Variants in PDE10A observed in about 807,000 individuals in gnomAD.
The protein encoded by PDE10A is phosphodiesterase 10A.
In PDE10A, 39 loss-of-function variants were observed where a neutral mutation model predicts 97.7. That is an observed-to-expected ratio of 0.40 (90% confidence interval 0.31 to 0.52). PDE10A has a LOEUF of 0.52. PDE10A is among the 20% of genes least tolerant of loss of function. PDE10A has a pLI of 0.56. For missense variants in PDE10A, 731 were observed against 1,047.8 expected, an observed-to-expected ratio of 0.70 and a Z score of 4.17; for synonymous variants, 371 against 376.8, an observed-to-expected ratio of 0.98 and a Z score of 0.18.
At chr6:165,651,879 T>C (rs1223634520) in intron 1 of PDE10A, among the ~76,000 whole-genome samples, 1 of 152,194 alleles carries the variant, frequency 6.6e-6, no homozygotes, top group African/African-American at 2.4e-5. Flanking sequence ...CCTAGTATCC[T>C]CAAATCATGT....
At chr6:165,961,106 G>C (rs568671662) in intron 1 of PDE10A, among the ~76,000 whole-genome samples, 1 of 151,952 alleles carries the variant, frequency 6.6e-6, no homozygotes, top group South Asian at 2.1e-4. Flanking sequence ...GGCCAGGCTT[G>C]TGGTGGGAGG....
intron 2 of PDE10A, among the ~76,000 whole-genome samples, chr6:165,482,855 G>A (rs909526709): frequency 4.6e-5 from 7 of 152,296 alleles, no homozygotes; most frequent in East Asian, 1.9e-4. Flanking sequence ...GCTTTGTTCC[G>A]TGTGTCTGAG....
intron 1 of PDE10A, among the ~76,000 whole-genome samples, chr6:165,932,115 C>T (rs1783155446): frequency 6.6e-6 from 1 of 152,256 alleles, no homozygotes. Context: ...ATATACCGCC[C>T]GCTGAAGAGG....
intron 1 of PDE10A, among the ~76,000 whole-genome samples, chr6:165,891,066 C>G (rs760888057): frequency 6.6e-6 from 1 of 152,118 alleles, no homozygotes; most frequent in Non-Finnish European, 1.5e-5. Context: ...GGTTGAAGCC[C>G]GTGGAGAGGA....
At chr6:165,668,012 G>T (rs1241901916), upstream of PDE10A, among the ~76,000 whole-genome samples, 1 of 152,180 alleles carries the variant, frequency 6.6e-6, no homozygotes. Context: ...ATGCAAGTTA[G>T]AACACAACAA....
intron 1 of PDE10A, among the ~76,000 whole-genome samples, chr6:165,586,617 C>T (rs182417555): frequency 2.0e-5 from 3 of 152,132 alleles, no homozygotes; most frequent in Admixed American, 2.0e-4. Flanking sequence ...AGTTTACACC[C>T]CTGAAGTTAT....
intron 3 of PDE10A, among the ~76,000 whole-genome samples, chr6:165,459,869 G>T (rs1778216130): frequency 6.6e-6 from 1 of 152,054 alleles, no homozygotes; most frequent in South Asian, 2.1e-4. Flanking sequence ...TACTAAAAAA[G>T]AATGTAGAAA....
At chr6:165,835,538 C>T (rs896528870) in intron 1 of PDE10A, among the ~76,000 whole-genome samples, 56 of 152,352 alleles carry the variant, frequency 3.7e-4, no homozygotes, top group African/African-American at 1.2e-3. Context: ...GGTCTAAGCT[C>T]GTGGACGCCC....
chr6:165,402,120 T>G (rs182030846), intron 13 of PDE10A, among the ~76,000 whole-genome samples: 1 of 152,218 alleles, frequency 6.6e-6, no homozygotes, highest in Admixed American at 6.5e-5. Flanking sequence ...GTGTTTTGTA[T>G]GCATTACTTC....
At chr6:165,542,601 A>T (rs1447723358) in intron 2 of PDE10A, among the ~76,000 whole-genome samples, 1 of 136,224 alleles carries the variant, frequency 7.3e-6, no homozygotes, top group Non-Finnish European at 1.6e-5. Context: ...GGTCAAAAAG[A>T]TGTCCTTGTT....
At chr6:165,717,537 T>A (rs1041654648) in intron 1 of PDE10A, among the ~76,000 whole-genome samples, 2 of 151,226 alleles carry the variant, frequency 1.3e-5, no homozygotes, top group African/African-American at 4.9e-5. Context: ...TGAGCCTAGA[T>A]CATGCCACTG....
At position 165,605,634 on chromosome 6, in the gene PDE10A, CT is replaced by C. The variant is rs386708373; in HGVS notation, c.865+56312del. On this transcript the variant is annotated intron_variant, in intron 1 of 21. Coordinates refer to ENST00000539869, the MANE Select transcript of PDE10A (RefSeq NM_001385079.1). ...TCCTTCCTTTGTGCTCTCGGTGAAT[CT>C]TCCACTGAAGCAACACGGAAACCAC... is the stretch of plus-strand genomic sequence containing the variant. Among the ~76,000 whole-genome samples the C allele has an allele frequency of 2.6e-4, 39 of 152,232 alleles. 1 individual carries two copies. The highest frequency in any genetic ancestry group is 8.7e-4 in the African/African-American group (36 of 41,542).
chr6:165,488,899 G>C (rs553976268), intron 2 of PDE10A, among the ~76,000 whole-genome samples: 2 of 151,976 alleles, frequency 1.3e-5, no homozygotes, highest in Non-Finnish European at 2.9e-5. Flanking sequence ...CTCCCATCCC[G>C]CACAGCAGTC....
At chr6:165,570,083 T>C (rs376255561) in intron 1 of PDE10A, among the ~76,000 whole-genome samples, 2 of 152,118 alleles carry the variant, frequency 1.3e-5, no homozygotes, top group Admixed American at 6.5e-5. Flanking sequence ...TGTGACTCTG[T>C]GTGGAGAAGG....
chr6:165,605,030 C>A (rs1420931990), intron 1 of PDE10A, among the ~76,000 whole-genome samples: 1 of 152,178 alleles, frequency 6.6e-6, no homozygotes, highest in Non-Finnish European at 1.5e-5. Context: ...CTCTCCTGAA[C>A]CCCCTTCTTT....
chr6:165,383,725 G>A (rs1785073733), intron 17 of PDE10A, among the ~76,000 whole-genome samples: 1 of 152,130 alleles, frequency 6.6e-6, no homozygotes, highest in Non-Finnish European at 1.5e-5. Context: ...GAAGTGGGAA[G>A]CTAAACTCAC....
At chr6:165,574,885 T>G (rs1261401490) in intron 1 of PDE10A, among the ~76,000 whole-genome samples, 2 of 152,232 alleles carry the variant, frequency 1.3e-5, no homozygotes, top group African/African-American at 4.8e-5. Flanking sequence ...ATTTGCTCCC[T>G]GCTACTCCTC....
At chr6:165,630,305 A>T (rs1788571814) in intron 1 of PDE10A, among the ~76,000 whole-genome samples, 1 of 152,162 alleles carries the variant, frequency 6.6e-6, no homozygotes, top group African/African-American at 2.4e-5. Context: ...CCAAGATTGC[A>T]CCACTGCACT....
chr6:165,507,440 C>T (rs1173752102), intron 2 of PDE10A, among the ~76,000 whole-genome samples: 1 of 151,976 alleles, frequency 6.6e-6, no homozygotes, highest in African/African-American at 2.4e-5. Context: ...GTTCCTTTTC[C>T]CCTTATATGC....
Sources: allele counts gnomAD v4.1 joint callset (sites outside exome capture counted in the v4.1 genomes callset), GRCh38; gene constraint gnomAD v4.1.1; transcripts MANE v1.5; gene names NCBI Gene and HGNC (gene_info 2026-07-23, HGNC 2026-07-21).